The following FAM204A variants were observed in gnomAD, a reference collection of about 807,000 sequenced individuals.
The protein encoded by FAM204A is family with sequence similarity 204 member A.
FAM204A carries 16 observed loss-of-function variants against 35.4 expected under a neutral mutation model. That is an observed-to-expected ratio of 0.45 (90% confidence interval 0.31 to 0.69). The LOEUF (loss-of-function observed/expected upper bound fraction) is 0.69. Among genes scored for constraint, FAM204A ranks in the 30% least tolerant of loss-of-function variants. FAM204A has a pLI of 0.07. For synonymous variants in FAM204A, 76 were observed against 86.9 expected (o/e 0.88, Z 0.70); for missense variants, 240 against 265.7 (o/e 0.90, Z 0.67).
At chr10:118,325,259 G>T (rs909335724) in intron 7 of FAM204A, among the ~76,000 whole-genome samples, 1 of 152,136 alleles carries the variant, frequency 6.6e-6, no homozygotes, top group Non-Finnish European at 1.5e-5. Flanking sequence ...ATGGAAGAGT[G>T]CAACAGTATT....
chr10:118,324,880 A>G (rs1311494734), intron 7 of FAM204A, among the ~76,000 whole-genome samples: 2 of 152,166 alleles, frequency 1.3e-5, no homozygotes, highest in Non-Finnish European at 2.9e-5. Flanking sequence ...ATAAAATGTC[A>G]GCTTATTTTC....
intron 7 of FAM204A, among the ~76,000 whole-genome samples, chr10:118,319,063 G>C (rs1324493541): frequency 6.6e-6 from 1 of 151,784 alleles, no homozygotes; most frequent in African/African-American, 2.4e-5. Context: ...GAAACCAAAA[G>C]CTAACAATAA....
intron 6 of FAM204A, among the ~76,000 whole-genome samples, chr10:118,329,862 A>G (rs1413514069): frequency 2.0e-5 from 3 of 152,156 alleles, no homozygotes; most frequent in African/African-American, 7.2e-5. Context: ...AACTGGGAAC[A>G]TTTATTACAT....
chr10:118,339,102 T>C (rs1373047278), intron 2 of FAM204A, among the ~76,000 whole-genome samples: 1 of 152,180 alleles, frequency 6.6e-6, no homozygotes, highest in Non-Finnish European at 1.5e-5. Flanking sequence ...AGGTAGGTTT[T>C]GAATTCCACT....
In FAM204A at chr10:118,310,517, C is replaced by A; in HGVS notation, c.*340G>T. The A allele has an allele frequency of 1.0e-5, 2 of 200,476 alleles. No individual in the cohort carries two copies. Among genetic ancestry groups the A allele is most frequent in the Non-Finnish European group, 9.9e-6 (1 of 101,516 alleles). 12.4% of individuals were successfully genotyped at this position (200,476 alleles called of 1,614,324 possible). On this transcript the variant is annotated 3_prime_UTR_variant, in exon 9 of 9. Coordinates refer to ENST00000369183, the MANE Select transcript of FAM204A (RefSeq NM_022063.3). ...AAAAAAAAAAAAAAGAAAGAAAGTA[C>A]GAGAAGCTCACTGGCTGTGCTAAAC... is the stretch of plus-strand genomic sequence containing the variant.
Position 118,298,564 on chromosome 10 carries a change from C to A in FAM204A, c.*12293G>T, listed in dbSNP as rs1369665153. 6.6e-6 allele frequency: 1 copy of A among 152,170 alleles called. No homozygotes were observed. The highest frequency in any genetic ancestry group is 1.5e-5 in the Non-Finnish European group (1 of 68,046). The allele number at this position is 152,170 out of a possible 1,614,324, so 9.4% of individuals were successfully genotyped here. ...TGCAAAGCTGACCAGGGCTAGAACT[C>A]CATTTTACCACCTCTGACATCCACT... On this transcript the variant is annotated 3_prime_UTR_variant, in exon 9 of 9. Coordinates refer to ENST00000369183, the MANE Select transcript of FAM204A (RefSeq NM_022063.3).
In FAM204A at chr10:118,336,368, C is replaced by T. The variant is rs754374340; in HGVS notation, c.48G>A (p.Glu16=). The T allele has an allele frequency of 2.5e-6, 4 of 1,613,886 alleles. No individual in the cohort carries two copies. In the Admixed American group the frequency reaches 5.0e-5, roughly 20 times the overall value. ...ACGTAGCTTCATCTTCCGAGTTTGA[C>T]TCAGCGTCACTTTCATTTAGGCCAG... The part of the protein sequence containing the change: ...LPPGLNESDA[E]SNSEDEATLE... Residue 16 remains glutamate, a synonymous_variant, in exon 3 of 9, where the codon GAG becomes GAA. Transcript: ENST00000369183.
At chr10:118,323,633 A>T (rs1333182584) in intron 7 of FAM204A, among the ~76,000 whole-genome samples, 1 of 152,004 alleles carries the variant, frequency 6.6e-6, no homozygotes, top group African/African-American at 2.4e-5. Context: ...TAGAGCCATG[A>T]AAGGTTATCT....
chr10:118,331,784 G>A (rs1846292344), intron 6 of FAM204A, among the ~76,000 whole-genome samples: 3 of 151,042 alleles, frequency 2.0e-5, no homozygotes, highest in Non-Finnish European at 2.9e-5. Flanking sequence ...GTGGAGGGGC[G>A]GAAGAGGTAC....
At chr10:118,324,119 T>C (rs1306573160) in intron 7 of FAM204A, among the ~76,000 whole-genome samples, 4 of 152,084 alleles carry the variant, frequency 2.6e-5, no homozygotes, top group Admixed American at 1.3e-4. Flanking sequence ...TATTCCAAAA[T>C]AGATTAATAA....
At chr10:118,321,040 CTTA>C (rs2133275202) in intron 7 of FAM204A, among the ~76,000 whole-genome samples, 1 of 151,720 alleles carries the variant, frequency 6.6e-6, no homozygotes, top group African/African-American at 2.4e-5. Context: ...ATTAGTTTCA[CTTA>C]TTATGGTTGG....
At position 118,318,240 on chromosome 10, in the gene FAM204A, A is replaced by C. The variant is rs541951411; in HGVS notation, c.544-6927T>G. Among the ~76,000 whole-genome samples, 244 of 152,178 alleles carry C rather than the reference A, an allele frequency of 1.6e-3. 3 individuals are homozygous for C. The highest frequency in any genetic ancestry group is 5.8e-3 in the African/African-American group (239 of 41,560). ...GTAAGGGACAGAAGGCACAGTAATA[A>C]AATTTGAAAGAGAGACATAAAATAT... On this transcript the variant is annotated intron_variant, in intron 7 of 8. Coordinates refer to ENST00000369183, the MANE Select transcript of FAM204A (RefSeq NM_022063.3).
intron 7 of FAM204A, among the ~76,000 whole-genome samples, chr10:118,313,956 G>A (rs1845991806): frequency 6.6e-6 from 1 of 152,182 alleles, no homozygotes; most frequent in African/African-American, 2.4e-5. Flanking sequence ...GCAGTCATCT[G>A]ACTTCAATAG....
rs1206868617 is a variant in FAM204A at position 118,308,324 on chromosome 10, G to A, written c.*2533C>T. On this transcript the variant is annotated 3_prime_UTR_variant, in exon 9 of 9. Transcript: ENST00000369183. ...ACATATTGAAGTTTTAGGAACCAAA[G>A]TTATTACTGATCCAAAAAGAATCCT... is the stretch of plus-strand genomic sequence containing the variant. 2 of 152,218 alleles carry A rather than the reference G, an allele frequency of 1.3e-5. No individual in the cohort carries two copies. The highest frequency in any genetic ancestry group is 1.3e-4 in the Admixed American group (2 of 15,280). 9.4% of individuals were successfully genotyped at this position (152,218 alleles called of 1,614,324 possible).
rs367823883 is a variant in FAM204A at position 118,341,640 on chromosome 10, A to C, written c.-9+87T>G. 5 of 152,332 alleles carry C rather than the reference A, an allele frequency of 3.3e-5. No homozygotes were observed. The South Asian group carries it at 8.3e-4, about 25-fold the overall frequency. 9.4% of individuals were successfully genotyped at this position (152,332 alleles called of 1,614,324 possible). ...CTTGAGGCCTGGAAAACATTTTCCC[A>C]GACCCAAGATCCTGCATGGAAAGAC... On this transcript the variant is annotated intron_variant, in intron 2 of 8. Coordinates refer to ENST00000369183, the MANE Select transcript of FAM204A (RefSeq NM_022063.3).
chr10:118,319,272 T>A (rs1846076565), intron 7 of FAM204A, among the ~76,000 whole-genome samples: 1 of 152,036 alleles, frequency 6.6e-6, no homozygotes, highest in African/African-American at 2.4e-5. Context: ...ATTAACAGTC[T>A]GCTCAAATTT....
chr10:118,298,313 TC>T lies in FAM204A; in HGVS notation c.*12543del, dbSNP rs939428017. 4.6e-5 allele frequency: 7 copies of T among 152,224 alleles called. No homozygotes were observed. The highest frequency in any genetic ancestry group is 1.7e-4 in the African/African-American group (7 of 41,450). 9.4% of individuals were successfully genotyped at this position (152,224 alleles called of 1,614,324 possible). ...CATGACAGGCTAGCAGTAACTCCCT[TC>T]ATCCTGATTTTCCACCCTCTTTCTG... On this transcript the variant is annotated 3_prime_UTR_variant, in exon 9 of 9. Transcript: ENST00000369183.
chr10:118,310,785 A>C lies in FAM204A; in HGVS notation c.*72T>G. 7.7e-7 allele frequency: 1 copy of C among 1,298,888 alleles called. No homozygotes were observed. Among genetic ancestry groups the C allele is most frequent in the South Asian group, 1.3e-5 (1 of 77,836 alleles). 80.5% of individuals were successfully genotyped at this position (1,298,888 alleles called of 1,614,324 possible). ...AGTGCTATCAATTTTCTGACATATT[A>C]ACATAGGCAGGAAAACATTCTCAGT... On this transcript the variant is annotated 3_prime_UTR_variant, in exon 9 of 9. Coordinates refer to ENST00000369183, the MANE Select transcript of FAM204A (RefSeq NM_022063.3).
intron 2 of FAM204A, among the ~76,000 whole-genome samples, chr10:118,340,321 T>G (rs1171772982): frequency 1.3e-5 from 2 of 152,162 alleles, no homozygotes; most frequent in African/African-American, 4.8e-5. Flanking sequence ...GGGGAAAAAG[T>G]CTTCAAAGTT....
Sources: allele counts gnomAD v4.1 joint callset (sites outside exome capture counted in the v4.1 genomes callset), GRCh38; gene constraint gnomAD v4.1.1; transcripts MANE v1.5; gene names NCBI Gene and HGNC (gene_info 2026-07-23, HGNC 2026-07-21).